Variants in OSTF1 observed in about 807,000 individuals in gnomAD.
OSTF1 encodes osteoclast stimulating factor 1.
A neutral mutation model predicts 37.2 loss-of-function variants in OSTF1; 27 were observed. The ratio of observed to expected loss-of-function variants is 0.73; its 90% CI spans 0.54 to 1.00. The LOEUF (loss-of-function observed/expected upper bound fraction) is 1.00. Among genes scored for constraint, OSTF1 ranks in the 50% least tolerant of loss-of-function variants. OSTF1 has a pLI of 0.00. For missense variants in OSTF1, 232 were observed against 253.8 expected (o/e 0.91, Z 0.58); for synonymous variants, 82 against 89.2 (o/e 0.92, Z 0.46).
intron 1 of OSTF1, 36 bp downstream of exon 1, chr9:75,088,762 C>G (rs1182200422): frequency 6.3e-7 from 1 of 1,581,788 alleles, no homozygotes. Flanking sequence ...CCAGGTCCTG[C>G]GACCGCCGCG....
intron 1 of OSTF1, among the ~76,000 whole-genome samples, chr9:75,105,038 G>A (rs1825259984): frequency 6.6e-6 from 1 of 152,214 alleles, no homozygotes; most frequent in African/African-American, 2.4e-5. Context: ...CCCATGGTAA[G>A]TGTCCCATAA....
chr9:75,090,220 A>G (rs753428366), intron 1 of OSTF1, among the ~76,000 whole-genome samples: 5 of 152,144 alleles, frequency 3.3e-5, no homozygotes, highest in Non-Finnish European at 5.9e-5. Flanking sequence ...GAAATACGTT[A>G]AAGAATGCCC....
At chr9:75,094,121 A>G (rs1587433402) in intron 1 of OSTF1, among the ~76,000 whole-genome samples, 1 of 152,214 alleles carries the variant, frequency 6.6e-6, no homozygotes, top group Non-Finnish European at 1.5e-5. Flanking sequence ...CATGCATATG[A>G]GCAGAGAAAC....
intron 1 of OSTF1, among the ~76,000 whole-genome samples, chr9:75,093,254 CA>C (rs1186734702): frequency 1.3e-5 from 2 of 152,102 alleles, no homozygotes; most frequent in Non-Finnish European, 2.9e-5. Flanking sequence ...ACACATATAG[CA>C]TTTATGTTGT....
intron 2 of OSTF1, among the ~76,000 whole-genome samples, chr9:75,125,233 C>T (rs1214975750): frequency 6.6e-6 from 1 of 152,194 alleles, no homozygotes; most frequent in Admixed American, 6.5e-5. Flanking sequence ...GAGGTGGCTG[C>T]TGAGTCCAGC....
At chr9:75,110,588 C>A (rs1056029746) in intron 1 of OSTF1, among the ~76,000 whole-genome samples, 4 of 152,172 alleles carry the variant, frequency 2.6e-5, no homozygotes, top group African/African-American at 9.7e-5. Context: ...TCTTAACATT[C>A]TTAAAAAGAC....
rs753676034 is a variant in OSTF1, at chr9:75,134,380, T to G, written c.393T>G (p.Ile131Met). The change falls in exon 7 of 10, where the codon ATT (isoleucine) becomes ATG (methionine). Residue 131 changes from isoleucine (I) to methionine (M), a missense_variant. Physicochemically the swap from Ile to Met is conservative, Grantham distance 10 (BLOSUM62 1). Coordinates refer to ENST00000346234, the MANE Select transcript of OSTF1 (RefSeq NM_012383.5). ...IVEMLFTQPN[I>M]ELNQQNKLGD... is the part of the protein sequence containing the mutation. Reference sequence around the variant, plus strand: ...AAATGCTATTTACTCAACCAAATATTGAACTGAACCAGCAGGTAAGACTGC... The same window carrying G: ...AAATGCTATTTACTCAACCAAATATGGAACTGAACCAGCAGGTAAGACTGC... The G allele has an allele frequency of 7.7e-6, 12 of 1,566,756 alleles. No homozygotes were observed. The highest frequency in any genetic ancestry group is 1.7e-4 in the Middle Eastern group (1 of 5,950).
At chr9:75,119,084 G>A (rs1350147101) in intron 2 of OSTF1, among the ~76,000 whole-genome samples, 1 of 152,240 alleles carries the variant, frequency 6.6e-6, no homozygotes, top group African/African-American at 2.4e-5. Context: ...AAGTGACACT[G>A]AGCATCAGTT....
intron 2 of OSTF1, among the ~76,000 whole-genome samples, chr9:75,127,176 A>T (rs999230690): frequency 6.6e-6 from 1 of 152,250 alleles, no homozygotes; most frequent in Non-Finnish European, 1.5e-5. Context: ...TGTTTAAGAG[A>T]AAATCAAGCT....
At chr9:75,121,944 A>G (rs932025128) in intron 2 of OSTF1, among the ~76,000 whole-genome samples, 6 of 152,028 alleles carry the variant, frequency 3.9e-5, no homozygotes, top group African/African-American at 1.5e-4. Context: ...GCAATGCGCA[A>G]CCCCAGTCTT....
chr9:75,129,300 A>G (rs79425508), intron 3 of OSTF1, among the ~76,000 whole-genome samples: 5,695 of 152,344 alleles, frequency 0.037, 131 homozygotes, highest in South Asian at 0.065. Context: ...GTTAAGGGAA[A>G]GAATCACCAT....
chr9:75,122,163 G>A lies in OSTF1; in HGVS notation c.81+4613G>A, dbSNP rs114198312. On this transcript the variant is annotated intron_variant, in intron 2 of 9. Transcript: ENST00000346234. ...GTGTCAAGACAGACTGATGAGGAGG[G>A]AACAGAATTTCCTGTGTTAAGAGGA... Among the ~76,000 whole-genome samples the A allele has an allele frequency of 3.1e-3, 478 of 152,310 alleles. 2 individuals carry two copies. The highest frequency in any genetic ancestry group is 0.011 in the African/African-American group (449 of 41,576).
chr9:75,146,881 T>C lies in OSTF1; in HGVS notation c.*140T>C. On this transcript the variant is annotated 3_prime_UTR_variant, in exon 10 of 10. Coordinates refer to ENST00000346234, the MANE Select transcript of OSTF1 (RefSeq NM_012383.5). ...TGTTGCACTGTGTTTGAGTAGAACG[T>C]GTAAATGAATTGTTCCCACCTTTGG... 1 of 563,942 alleles carries C rather than the reference T, an allele frequency of 1.8e-6. No individual in the cohort carries two copies. The highest frequency in any genetic ancestry group is 2.5e-5 in the South Asian group (1 of 39,666). 34.9% of individuals were successfully genotyped at this position (563,942 alleles called of 1,614,324 possible). A position where few individuals can be genotyped will look rare whatever the true frequency, so the allele number is the denominator to read the frequency against.
At chr9:75,095,565 C>T (rs1395621449) in intron 1 of OSTF1, among the ~76,000 whole-genome samples, 5 of 152,150 alleles carry the variant, frequency 3.3e-5, no homozygotes, top group African/African-American at 9.7e-5. Flanking sequence ...AATAATGCAT[C>T]CTCCTGTCCA....
chr9:75,097,431 A>G (rs976641822), intron 1 of OSTF1, among the ~76,000 whole-genome samples: 3 of 152,156 alleles, frequency 2.0e-5, no homozygotes, highest in African/African-American at 7.2e-5. Context: ...TAAAACTCTA[A>G]GCTCCCCAAC....
intron 9 of OSTF1, among the ~76,000 whole-genome samples, chr9:75,143,308 G>T (rs972053360): frequency 1.3e-5 from 2 of 152,126 alleles, no homozygotes; most frequent in Non-Finnish European, 2.9e-5. Flanking sequence ...AGGGCTGGGG[G>T]TTATACTCGA....
intron 3 of OSTF1, among the ~76,000 whole-genome samples, chr9:75,130,042 G>A (rs7847507): frequency 0.026 from 3,944 of 152,184 alleles, 175 homozygotes; most frequent in African/African-American, 0.09. Flanking sequence ...GGGGAGGGAC[G>A]TCATGGGGGC....
intron 1 of OSTF1, among the ~76,000 whole-genome samples, chr9:75,101,843 CTGGT>C (rs1363934374): frequency 6.6e-6 from 1 of 152,140 alleles, no homozygotes; most frequent in Non-Finnish European, 1.5e-5. Flanking sequence ...TGTGTATATC[CTGGT>C]CTCTGTATCA....
At chr9:75,121,949 A>C (rs1391300883) in intron 2 of OSTF1, among the ~76,000 whole-genome samples, 1 of 152,174 alleles carries the variant, frequency 6.6e-6, no homozygotes. Context: ...GCGCAACCCC[A>C]GTCTTGGGGA....
Sources: allele counts gnomAD v4.1 joint callset (sites outside exome capture counted in the v4.1 genomes callset), GRCh38; gene constraint gnomAD v4.1.1; transcripts MANE v1.5; gene names NCBI Gene and HGNC (gene_info 2026-07-23, HGNC 2026-07-21).